The following GOLM2 variants were observed in gnomAD, a reference collection of about 807,000 sequenced individuals.
GOLM2 encodes golgi membrane protein 2, also known as protein GOLM2.
In GOLM2, 26 loss-of-function variants were observed where a neutral mutation model predicts 55.9. The ratio of observed to expected loss-of-function variants is 0.47; its 90% CI spans 0.34 to 0.65. The LOEUF (loss-of-function observed/expected upper bound fraction) is 0.65. Ranked by LOEUF, GOLM2 falls within the 30% of genes least tolerant of loss-of-function variation. GOLM2 has a pLI of 0.01. For missense variants in GOLM2, 486 were observed against 531.8 expected, an observed-to-expected ratio of 0.91 and a Z score of 0.85; for synonymous variants, 165 against 194.6, an observed-to-expected ratio of 0.85 and a Z score of 1.27.
intron 1 of GOLM2, among the ~76,000 whole-genome samples, chr15:44,320,311 T>G (rs1301097846): frequency 6.6e-6 from 1 of 152,172 alleles, no homozygotes; most frequent in Non-Finnish European, 1.5e-5. Context: ...TATTTATTTA[T>G]TTTTTGAGAT....
chr15:44,380,854 C>T lies in GOLM2; in HGVS notation c.950C>T (p.Pro317Leu), dbSNP rs150204732. ...NGNPGTSKQN[P>L]SSPLQRLIPG... The stretch of plus-strand genomic sequence containing the variant: ...AACCCCGGTACTTCAAAACAGAATC[C>T]TTCCAGTCCTCTTCAGCGTTTAATT... The change falls in exon 8 of 10, where the codon CCT (proline) becomes CTT (leucine). Residue 317 changes from proline (P) to leucine (L), a missense_variant. By Grantham distance (98) the Pro-to-Leu change is moderately conservative. Transcript: ENST00000299957. 3.5e-5 allele frequency: 56 copies of T among 1,587,794 alleles called. No individual in the cohort carries two copies. Among genetic ancestry groups the T allele is most frequent in the Admixed American group, 6.9e-5 (4 of 57,682 alleles).
chr15:44,384,926 C>A (rs899092693), intron 8 of GOLM2, among the ~76,000 whole-genome samples: 3 of 151,084 alleles, frequency 2.0e-5, no homozygotes, highest in Admixed American at 1.3e-4. Context: ...AAAAAAAAAT[C>A]ATACAGTATG....
intron 9 of GOLM2, among the ~76,000 whole-genome samples, chr15:44,412,602 C>A (rs1035137428): frequency 6.6e-6 from 1 of 151,650 alleles, no homozygotes; most frequent in Admixed American, 6.6e-5. Context: ...ATATTGGATA[C>A]TTTTATAATT....
intron 8 of GOLM2, among the ~76,000 whole-genome samples, chr15:44,401,352 A>C (rs2079564274): frequency 6.6e-6 from 1 of 151,598 alleles, no homozygotes; most frequent in Non-Finnish European, 1.5e-5. Context: ...GTAGCCTTGG[A>C]CTCCTGGGCT....
chr15:44,351,866 A>C (rs1226490711), intron 6 of GOLM2, among the ~76,000 whole-genome samples: 1 of 152,172 alleles, frequency 6.6e-6, no homozygotes, highest in Non-Finnish European at 1.5e-5. Context: ...ACTTTACCAA[A>C]GAAATGAAAG....
chr15:44,401,176 A>G (rs936070118), intron 8 of GOLM2, among the ~76,000 whole-genome samples: 13 of 152,124 alleles, frequency 8.5e-5, no homozygotes, highest in Non-Finnish European at 1.8e-4. Flanking sequence ...CAGTGGCACA[A>G]TCTTAGCTCA....
chr15:44,406,093 A>G (rs758584680), intron 9 of GOLM2, among the ~76,000 whole-genome samples: 5 of 152,192 alleles, frequency 3.3e-5, no homozygotes, highest in Non-Finnish European at 5.9e-5. Context: ...AGCAGGCAGA[A>G]CATAGAGTAG....
At chr15:44,383,257 A>G (rs953155297) in intron 8 of GOLM2, among the ~76,000 whole-genome samples, 5 of 151,880 alleles carry the variant, frequency 3.3e-5, no homozygotes, top group Non-Finnish European at 2.9e-5. Flanking sequence ...GATTGTTACT[A>G]TCATTTTTTT....
rs566173198 is a variant in GOLM2, at chr15:44,336,645, G to A, written c.577-1118G>A. ...AGATTTGGCTGTTGTGGCCGGGTAC[G>A]GTGGCTCACGCCTGTAATCCCAGCA... On this transcript the variant is annotated intron_variant, in intron 4 of 9. Transcript: ENST00000299957. Among the ~76,000 whole-genome samples, 18 of 152,008 alleles carry A rather than the reference G, an allele frequency of 1.2e-4. 1 individual carries two copies. Among genetic ancestry groups the A allele is most frequent in the Admixed American group, 6.5e-5 (1 of 15,286 alleles).
intron 1 of GOLM2, among the ~76,000 whole-genome samples, chr15:44,292,198 TA>T (rs1452214237): frequency 0.015 from 2,028 of 139,154 alleles, 44 homozygotes; most frequent in African/African-American, 0.056. Flanking sequence ...TATATATATA[TA>T]TATTTTTTTT....
At chr15:44,348,472 A>T (rs2079139754) in intron 6 of GOLM2, 1 of 152,068 alleles carries the variant, frequency 6.6e-6, no homozygotes, top group South Asian at 2.1e-4. Flanking sequence ...AGAGACTGAG[A>T]CTCTGTTTTG....
Position 44,338,309 on chromosome 15 carries a change from T to A in GOLM2, c.794T>A (p.Leu265His), listed in dbSNP as rs1213262451. The change falls in exon 6 of 10, where the codon CTT (leucine) becomes CAT (histidine). Residue 265 changes from leucine to histidine, a missense_variant. Transcript: ENST00000299957. ...EENDLAKVDD[L>H]PPALRKPPIS... ...AATGACCTAGCAAAAGTTGATGATC[T>A]TCCCCCTGGTAAGTAAAAATTGTTA... 1.2e-6 allele frequency: 2 copies of A among 1,611,954 alleles called. No individual in the cohort carries two copies. Among genetic ancestry groups the A allele is most frequent in the Admixed American group, 3.3e-5 (2 of 59,978 alleles).
chr15:44,405,636 T>C (rs1235758738), intron 9 of GOLM2, among the ~76,000 whole-genome samples: 1 of 152,108 alleles, frequency 6.6e-6, no homozygotes, highest in Non-Finnish European at 1.5e-5. Flanking sequence ...CTTTTTTTTT[T>C]GAGACGGAGT....
intron 1 of GOLM2, among the ~76,000 whole-genome samples, chr15:44,292,299 G>A (rs983379711): frequency 4.7e-5 from 7 of 150,402 alleles, no homozygotes; most frequent in African/African-American, 1.2e-4. Flanking sequence ...CTGGGTTCAC[G>A]CCATTCTCTG....
At chr15:44,353,694 G>A (rs895924953) in intron 6 of GOLM2, among the ~76,000 whole-genome samples, 15 of 152,016 alleles carry the variant, frequency 9.9e-5, no homozygotes, top group South Asian at 4.1e-4. Flanking sequence ...CAAACTTCAC[G>A]TATCCTCACT....
At chr15:44,402,714 T>A in intron 8 of GOLM2, 173 bp from the exon 9 acceptor site, 1 of 477,154 alleles carries the variant, frequency 2.1e-6, no homozygotes, top group Non-Finnish European at 3.7e-6. Flanking sequence ...ATTTTCAGAG[T>A]CTTCCCTCTT....
intron 6 of GOLM2, among the ~76,000 whole-genome samples, chr15:44,378,807 G>A (rs574714463): frequency 2.7e-5 from 4 of 149,862 alleles, no homozygotes; most frequent in East Asian, 2.0e-4. Context: ...GTGCAATGGC[G>A]CGATCTCAGC....
chr15:44,324,763 T>G (rs2078970682), intron 2 of GOLM2, among the ~76,000 whole-genome samples: 1 of 152,158 alleles, frequency 6.6e-6, no homozygotes, highest in African/African-American at 2.4e-5. Context: ...TTCTTTTTTT[T>G]TTTAAAGCTG....
chr15:44,347,182 C>G (rs530346893), intron 6 of GOLM2, among the ~76,000 whole-genome samples: 3 of 152,072 alleles, frequency 2.0e-5, no homozygotes, highest in Non-Finnish European at 4.4e-5. Context: ...TGAATAGAAG[C>G]CTCCACTGAT....
Sources: allele counts gnomAD v4.1 joint callset (sites outside exome capture counted in the v4.1 genomes callset), GRCh38; gene constraint gnomAD v4.1.1; transcripts MANE v1.5; gene names NCBI Gene and HGNC (gene_info 2026-07-23, HGNC 2026-07-21).